OR1M1: variants seen among roughly 807,000 people sequenced by gnomAD.
OR1M1 encodes the protein olfactory receptor family 1 subfamily M member 1.
For synonymous variants in OR1M1, 157 were observed against 165.5 expected, an observed-to-expected ratio of 0.95 and a Z score of 0.39; for missense variants, 397 against 401.8, an observed-to-expected ratio of 0.99 and a Z score of 0.10.
In OR1M1 at chr19:9,093,642, C is replaced by G; in HGVS notation, c.398C>G (p.Ala133Gly). Residue 133 changes from alanine to glycine, a missense_variant, in exon 2 of 2, where the codon GCC (alanine) becomes GGC (glycine). Transcript: ENST00000641627. ...GCCATCTGCCACCCATTGCACTACG[C>G]CAAGATCATGAGCCTACGCCTCTGT... Reference protein sequence around the residue: ...FVAICHPLHYAKIMSLRLCRL... With the variant: ...FVAICHPLHYGKIMSLRLCRL... 1.9e-6 allele frequency: 3 copies of G among 1,614,194 alleles called. No individual in the cohort carries two copies. Among genetic ancestry groups the G allele is most frequent in the Non-Finnish European group, 2.5e-6 (3 of 1,180,042 alleles).
intron 1 of OR1M1, among the ~76,000 whole-genome samples, chr19:9,088,500 G>A (rs1417518043): frequency 6.6e-6 from 1 of 152,134 alleles, no homozygotes; most frequent in Admixed American, 6.6e-5. Flanking sequence ...TGAAAGCTTA[G>A]GTGTCAGGGC....
At chr19:9,090,527 C>T (rs1328601129) in intron 1 of OR1M1, among the ~76,000 whole-genome samples, 1 of 152,062 alleles carries the variant, frequency 6.6e-6, no homozygotes, top group South Asian at 2.1e-4. Context: ...GTGGCGCAAT[C>T]GGGGCTCACT....
In OR1M1 at chr19:9,089,475, G is replaced by A. The variant is rs561191208; in HGVS notation, c.-14+2318G>A. On this transcript the variant is annotated intron_variant, in intron 1 of 1. Coordinates refer to ENST00000641627, the MANE Select transcript of OR1M1 (RefSeq NM_001004456.2). ...TTTCGCTCTTGTCACCCCGGCTGGA[G>A]TGCAATGGCACAATCTCAGCTCACT... Among the ~76,000 whole-genome samples the A allele has an allele frequency of 2.0e-4, 30 of 149,412 alleles. 1 individual carries two copies. The South Asian group carries it at 6.3e-3, about 31-fold the overall frequency.
In OR1M1 at chr19:9,088,357, T is replaced by C. The variant is rs959620004; in HGVS notation, c.-14+1200T>C. Among the ~76,000 whole-genome samples the C allele has an allele frequency of 3.3e-5, 5 of 152,164 alleles. No homozygotes were observed. The South Asian group carries it at 1.0e-3, about 32-fold the overall frequency. ...AGATCTTAGACACAGAGTGCAGAGG[T>C]CCAGATAGGATAGGACTGGTGCTTC... On this transcript the variant is annotated intron_variant, in intron 1 of 1. Coordinates refer to ENST00000641627, the MANE Select transcript of OR1M1 (RefSeq NM_001004456.2).
intron 1 of OR1M1, among the ~76,000 whole-genome samples, chr19:9,092,298 A>G (rs937084713): frequency 1.3e-5 from 2 of 151,958 alleles, no homozygotes; most frequent in African/African-American, 4.8e-5. Context: ...CAACCTATAT[A>G]TAAGCTGTTG....
chr19:9,091,858 T>G (rs1400222356), intron 1 of OR1M1, among the ~76,000 whole-genome samples: 3 of 152,012 alleles, frequency 2.0e-5, no homozygotes, highest in African/African-American at 7.2e-5. Flanking sequence ...ATGTTGAGTT[T>G]GCCATGTCAG....
In OR1M1 at chr19:9,091,891, A is replaced by T. The variant is rs914265761; in HGVS notation, c.-13-1341A>T. On this transcript the variant is annotated intron_variant, in intron 1 of 1. Transcript: ENST00000641627. Reference sequence around the variant, plus strand: ...CAGGAAGAAAGAAAAGAGGGAAAGAATGCTTTGTATAACCCTATTATTATT... The same window carrying T: ...CAGGAAGAAAGAAAAGAGGGAAAGATTGCTTTGTATAACCCTATTATTATT... Among the ~76,000 whole-genome samples, 6 of 151,820 alleles carry T rather than the reference A, an allele frequency of 4.0e-5. No individual in the cohort carries two copies. The East Asian group carries it at 1.2e-3, about 29-fold the overall frequency.
chr19:9,093,128 C>G, intron 1 of OR1M1, 104 bp from the exon 2 acceptor site: 2 of 610,018 alleles, frequency 3.3e-6, no homozygotes, highest in Admixed American at 3.0e-5. Context: ...ATATACACAT[C>G]TGGTCTCATA....
At position 9,093,557 on chromosome 19, in the gene OR1M1, C is replaced by T. The variant is rs1166559121; in HGVS notation, c.313C>T (p.His105Tyr). ...PCCLIQMYFF[H>Y]FFGIVDSVII... The stretch of plus-strand genomic sequence containing the variant: ...CTGCCTGATCCAGATGTACTTCTTC[C>T]ATTTCTTTGGCATCGTGGACAGCGT... The change falls in exon 2 of 2, where the codon CAT (histidine) becomes TAT (tyrosine). Residue 105 changes from histidine (H) to tyrosine (Y), a missense_variant. By Grantham distance (83) the His-to-Tyr change is moderately conservative. Coordinates refer to ENST00000641627, the MANE Select transcript of OR1M1 (RefSeq NM_001004456.2). 1 of 1,614,160 alleles carries T rather than the reference C, an allele frequency of 6.2e-7. No individual in the cohort carries two copies. The highest frequency in any genetic ancestry group is 1.7e-5 in the Admixed American group (1 of 60,002).
chr19:9,092,522 G>C (rs147727486), intron 1 of OR1M1, among the ~76,000 whole-genome samples: 5 of 152,114 alleles, frequency 3.3e-5, no homozygotes, highest in African/African-American at 1.2e-4. Context: ...AGGCTGGCTT[G>C]AGCCCAGGAG....
rs1315892042 is a variant in OR1M1, at chr19:9,095,630, A to G, written c.*1444A>G. ...TGTCCAGGCTGCTCTCAAACTCCTG[A>G]GCTCAAGCCATCCTCCCATCTCAGC... On this transcript the variant is annotated 3_prime_UTR_variant, in exon 2 of 2. Transcript: ENST00000641627. 2 of 151,180 alleles carry G rather than the reference A, an allele frequency of 1.3e-5. No homozygotes were observed. Among genetic ancestry groups the G allele is most frequent in the Non-Finnish European group, 2.9e-5 (2 of 67,944 alleles). 9.4% of individuals were successfully genotyped at this position (151,180 alleles called of 1,614,324 possible).
At chr19:9,092,396 C>A (rs529678791) in intron 1 of OR1M1, among the ~76,000 whole-genome samples, 9 of 152,046 alleles carry the variant, frequency 5.9e-5, no homozygotes, top group African/African-American at 2.2e-4. Flanking sequence ...GAATTCAAGA[C>A]CAGCCTGGAC....
Position 9,093,772 on chromosome 19 carries a change from C to T in OR1M1, c.528C>T (p.His176=). 1 of 1,614,006 alleles carries T rather than the reference C, an allele frequency of 6.2e-7. No individual in the cohort carries two copies. The highest frequency in any genetic ancestry group is 1.1e-5 in the South Asian group (1 of 91,084). The part of the protein sequence containing the change: ...LVFCGSHEVP[H]YFCDLTPILR... Reference sequence around the variant, plus strand: ...TCTGCGGCAGCCATGAGGTGCCTCACTACTTCTGCGACCTCACTCCCATCC... The same window carrying T: ...TCTGCGGCAGCCATGAGGTGCCTCATTACTTCTGCGACCTCACTCCCATCC... Residue 176 remains histidine (H), a synonymous_variant, in exon 2 of 2, where the codon CAC becomes CAT. Coordinates refer to ENST00000641627, the MANE Select transcript of OR1M1 (RefSeq NM_001004456.2).
intron 1 of OR1M1, among the ~76,000 whole-genome samples, chr19:9,092,488 C>T (rs952737144): frequency 3.3e-5 from 5 of 151,856 alleles, no homozygotes; most frequent in Admixed American, 6.6e-5. Flanking sequence ...CTGTAGACCC[C>T]GCTACTAGAG....
intron 1 of OR1M1, among the ~76,000 whole-genome samples, chr19:9,089,338 C>G (rs1461048048): frequency 6.6e-6 from 1 of 151,878 alleles, no homozygotes; most frequent in African/African-American, 2.4e-5. Context: ...ATAATATGCT[C>G]CAATTCTTTC....
intron 1 of OR1M1, among the ~76,000 whole-genome samples, chr19:9,088,309 A>G (rs1284603629): frequency 1.3e-5 from 2 of 152,108 alleles, no homozygotes; most frequent in African/African-American, 4.8e-5. Context: ...GCCCTTGGAG[A>G]TTCCCAAGTA....
intron 1 of OR1M1, among the ~76,000 whole-genome samples, chr19:9,092,277 G>A (rs1273394673): frequency 6.6e-6 from 1 of 151,724 alleles, no homozygotes; most frequent in Non-Finnish European, 1.5e-5. Flanking sequence ...CTTCATCCAT[G>A]GTTTAAAGTG....
Position 9,093,292 on chromosome 19 carries a change from A to G in OR1M1, c.48A>G (p.Gly16=). 1 of 1,613,314 alleles carries G rather than the reference A, an allele frequency of 6.2e-7. No homozygotes were observed. Among genetic ancestry groups the G allele is most frequent in the East Asian group, 2.2e-5 (1 of 44,814 alleles). The change falls in exon 2 of 2, where the codon GGA becomes GGG. Residue 16 remains glycine (G), a synonymous_variant. Coordinates refer to ENST00000641627, the MANE Select transcript of OR1M1 (RefSeq NM_001004456.2). ...GTGCATCTCAATTCATCCTCCTGGG[A>G]CTCTCAGAAAAGCCAGAGCAGGAGA... ...QTSASQFILL[G]LSEKPEQETL...
At position 9,094,969 on chromosome 19, in the gene OR1M1, A is replaced by G. The variant is rs1409199752; in HGVS notation, c.*783A>G. The G allele has an allele frequency of 1.3e-5, 2 of 152,082 alleles. No homozygotes were observed. Among genetic ancestry groups the G allele is most frequent in the Non-Finnish European group, 2.9e-5 (2 of 68,108 alleles). The allele number at this position is 152,082 out of a possible 1,614,324, so 9.4% of individuals were successfully genotyped here. On this transcript the variant is annotated 3_prime_UTR_variant, in exon 2 of 2. Coordinates refer to ENST00000641627, the MANE Select transcript of OR1M1 (RefSeq NM_001004456.2). ...CAGGCACCCATCACCATACCCGGCT[A>G]ATTTTTGTATTTTTGGTGGAGACAG... is the stretch of plus-strand genomic sequence containing the variant.
Sources: allele counts gnomAD v4.1 joint callset (sites outside exome capture counted in the v4.1 genomes callset), GRCh38; gene constraint gnomAD v4.1.1; transcripts MANE v1.5; gene names NCBI Gene and HGNC (gene_info 2026-07-23, HGNC 2026-07-21).